The following TNNI3K variants were observed in gnomAD, a reference collection of about 807,000 sequenced individuals.
TNNI3K encodes the protein TNNI3 interacting kinase.
TNNI3K carries 140 observed loss-of-function variants against 114.5 expected under a neutral mutation model. That is an observed-to-expected ratio of 1.22 (90% CI 1.07 to 1.41). The LOEUF (loss-of-function observed/expected upper bound fraction) is 1.41. TNNI3K is among the 40% of genes most tolerant of loss of function. TNNI3K has a pLI of 0.00. For synonymous variants in TNNI3K, 347 were observed against 347.5 expected (o/e 1.00, Z 0.02); for missense variants, 1,125 against 1,007.6 (o/e 1.12, Z -1.58).
chr1:74,355,304 T>A (rs1661594349), intron 11 of TNNI3K, among the ~76,000 whole-genome samples: 1 of 152,178 alleles, frequency 6.6e-6, no homozygotes, highest in South Asian at 2.1e-4. Flanking sequence ...CGAAAGGTTT[T>A]CTGACTAAAG....
At chr1:74,288,802 G>A (rs1221655192) in intron 5 of TNNI3K, among the ~76,000 whole-genome samples, 1 of 151,972 alleles carries the variant, frequency 6.6e-6, no homozygotes, top group Non-Finnish European at 1.5e-5. Context: ...GTGAGGTGAT[G>A]GATATGATCA....
chr1:74,415,142 T>G (rs1182864908), intron 17 of TNNI3K, among the ~76,000 whole-genome samples: 4 of 152,174 alleles, frequency 2.6e-5, no homozygotes, highest in African/African-American at 9.7e-5. Context: ...TTTAGGCCTT[T>G]GCACTTGCCG....
chr1:74,244,335 G>T (rs1308388644), intron 2 of TNNI3K, among the ~76,000 whole-genome samples: 2 of 152,044 alleles, frequency 1.3e-5, no homozygotes, highest in African/African-American at 2.4e-5. Flanking sequence ...ACAAGCAGCG[G>T]CTCAGTTTAA....
intron 5 of TNNI3K, among the ~76,000 whole-genome samples, chr1:74,282,683 A>C (rs1227662016): frequency 6.6e-6 from 1 of 152,178 alleles, no homozygotes. Flanking sequence ...AATAAATGTC[A>C]TGTTGAATCT....
chr1:74,236,260 AC>A (rs1570351312), intron 2 of TNNI3K, 50 bp downstream of exon 2: 1 of 1,510,032 alleles, frequency 6.6e-7, no homozygotes. Flanking sequence ...TTCAGTATTC[AC>A]CTTATTTTTT....
chr1:74,466,186 C>T (rs961083669), intron 21 of TNNI3K, among the ~76,000 whole-genome samples: 4 of 152,132 alleles, frequency 2.6e-5, no homozygotes, highest in African/African-American at 7.2e-5. Flanking sequence ...ACACTCACTG[C>T]GTGGGTGTGC....
rs147004026 is a variant in TNNI3K at position 74,463,462 on chromosome 1, C to A, written c.2033C>A (p.Ala678Asp). 47 of 1,614,090 alleles carry A rather than the reference C, an allele frequency of 2.9e-5. No homozygotes were observed. Among genetic ancestry groups the A allele is most frequent in the African/African-American group, 6.7e-5 (5 of 74,942 alleles). ...GCAGCGGCTGCGGCAGCAGACATGGCTTACCACCACATCAGACCTCCCATT... is the reference window on the plus strand; with the variant it reads ...GCAGCGGCTGCGGCAGCAGACATGGATTACCACCACATCAGACCTCCCATT... ...LKPAAAAADM[A>D]YHHIRPPIGY... Residue 678 changes from alanine to aspartate, a missense_variant, in exon 21 of 25, where the codon GCT becomes GAT. By Grantham distance (126) the Ala-to-Asp change is moderately radical (BLOSUM62 -2). Transcript: ENST00000326637.
At chr1:74,473,166 G>A (rs1170848786) in intron 21 of TNNI3K, among the ~76,000 whole-genome samples, 5 of 152,120 alleles carry the variant, frequency 3.3e-5, no homozygotes, top group Non-Finnish European at 7.4e-5. Context: ...TGCTCATAAT[G>A]TACGTTCATC....
chr1:74,362,413 T>G (rs1662016564), intron 11 of TNNI3K, among the ~76,000 whole-genome samples: 1 of 152,096 alleles, frequency 6.6e-6, no homozygotes, highest in African/African-American at 2.4e-5. Context: ...TATACAGCCG[T>G]GAACCCAAAG....
At chr1:74,538,648 A>G (rs1646689586) in intron 23 of TNNI3K, among the ~76,000 whole-genome samples, 1 of 152,160 alleles carries the variant, frequency 6.6e-6, no homozygotes, top group Non-Finnish European at 1.5e-5. Flanking sequence ...GGTGGTCAGG[A>G]TCTATTCTTG....
At chr1:74,542,405 A>G (rs1422520270) in intron 24 of TNNI3K, among the ~76,000 whole-genome samples, 3 of 152,214 alleles carry the variant, frequency 2.0e-5, no homozygotes, top group African/African-American at 7.2e-5. Context: ...GATACAGTAA[A>G]TATTTTGCTG....
intron 17 of TNNI3K, chr1:74,374,582 A>T (rs922931650): frequency 4.6e-5 from 7 of 151,954 alleles, no homozygotes; most frequent in Admixed American, 3.9e-4. Context: ...TAAAAAGTCA[A>T]TTCCTGTGAC....
chr1:74,314,051 A>T (rs1246999980), intron 5 of TNNI3K, among the ~76,000 whole-genome samples: 50 of 39,324 alleles, frequency 1.3e-3, no homozygotes, highest in African/African-American at 4.4e-3. Flanking sequence ...TTCATTATAT[A>T]TATATATATA....
At chr1:74,441,039 C>G (rs766755645) in intron 20 of TNNI3K, among the ~76,000 whole-genome samples, 11 of 152,078 alleles carry the variant, frequency 7.2e-5, no homozygotes, top group Non-Finnish European at 1.5e-4. Context: ...GTAGCCCAAG[C>G]CATCTTTCCT....
chr1:74,262,829 C>G (rs984302571), intron 4 of TNNI3K, among the ~76,000 whole-genome samples: 3 of 152,044 alleles, frequency 2.0e-5, no homozygotes, highest in African/African-American at 7.2e-5. Flanking sequence ...AATTCTTACA[C>G]CAGACAGTAG....
chr1:74,358,771 A>G (rs140071311), intron 11 of TNNI3K, among the ~76,000 whole-genome samples: 4 of 152,114 alleles, frequency 2.6e-5, no homozygotes, highest in Middle Eastern at 3.4e-3. Flanking sequence ...AAAAATAAGT[A>G]AGTAAAATAA....
At chr1:74,406,941 T>C (rs1244357994) in intron 17 of TNNI3K, among the ~76,000 whole-genome samples, 3 of 152,230 alleles carry the variant, frequency 2.0e-5, no homozygotes, top group African/African-American at 7.2e-5. Context: ...CGTTTCTTCC[T>C]TATCCTCTTC....
intron 4 of TNNI3K, among the ~76,000 whole-genome samples, chr1:74,269,930 T>A (rs1408834601): frequency 6.6e-6 from 1 of 151,772 alleles, no homozygotes; most frequent in Non-Finnish European, 1.5e-5. Flanking sequence ...CAAAAAGGAA[T>A]CAAGGAATGT....
intron 17 of TNNI3K, chr1:74,371,367 T>C (rs1012182659): frequency 2.0e-5 from 3 of 151,754 alleles, no homozygotes; most frequent in African/African-American, 4.8e-5. Flanking sequence ...ACACTCTATG[T>C]AGAGGAGAAA....
Sources: gnomAD v4.1 joint callset for allele counts (sites outside exome capture counted in the v4.1 genomes callset) on GRCh38, gnomAD v4.1.1 for gene constraint, MANE v1.5 for transcripts, NCBI Gene and HGNC (gene_info 2026-07-23, HGNC 2026-07-21) for gene names.